Variants in SYT1 observed in about 807,000 individuals in gnomAD.
SYT1 encodes synaptotagmin-1.
SYT1 carries 8 observed loss-of-function variants against 44.8 expected under a neutral mutation model. The observed-to-expected ratio is 0.18, with a 90% CI of 0.10 to 0.32. The LOEUF (loss-of-function observed/expected upper bound fraction) is 0.32, where lower values mean the gene tolerates loss of function less well. Ranked by LOEUF, SYT1 falls within the 10% of genes least tolerant of loss-of-function variation. The pLI is 1.00. For missense variants in SYT1, 286 were observed against 509.3 expected (o/e 0.56, Z 4.22); for synonymous variants, 154 against 188.8 (o/e 0.82, Z 1.51).
chr12:79,062,318 C>G (rs1875450061), intron 3 of SYT1, among the ~76,000 whole-genome samples: 2 of 152,154 alleles, frequency 1.3e-5, no homozygotes, highest in Admixed American at 6.6e-5. Flanking sequence ...TGTTTTCTGA[C>G]AGTAGCTGCC....
At chr12:79,167,824 C>G (rs10861629) in intron 3 of SYT1, among the ~76,000 whole-genome samples, 3 of 151,848 alleles carry the variant, frequency 2.0e-5, no homozygotes, top group East Asian at 1.9e-4. Context: ...GGGGATGCAG[C>G]GGGCTGGGAA....
intron 1 of SYT1, among the ~76,000 whole-genome samples, chr12:78,900,608 A>G (rs548148748): frequency 6.6e-6 from 1 of 152,208 alleles, no homozygotes; most frequent in South Asian, 2.1e-4. Context: ...GAGAAGGCAC[A>G]TTAGAGTGGA....
intron 1 of SYT1, among the ~76,000 whole-genome samples, chr12:78,912,340 G>C (rs117925515): frequency 0.012 from 1,818 of 151,866 alleles, 28 homozygotes; most frequent in Non-Finnish European, 0.017. Context: ...TGAAATTGCT[G>C]AAAAAGAAAG....
intron 3 of SYT1, among the ~76,000 whole-genome samples, chr12:79,060,010 G>T (rs1875257182): frequency 6.6e-6 from 1 of 152,064 alleles, no homozygotes; most frequent in African/African-American, 2.4e-5. Flanking sequence ...ACTGTTTCAT[G>T]GGCTTACACT....
At chr12:78,968,237 A>G (rs929147279) in intron 1 of SYT1, among the ~76,000 whole-genome samples, 2 of 152,116 alleles carry the variant, frequency 1.3e-5, no homozygotes, top group African/African-American at 4.8e-5. Flanking sequence ...AAATGTAGCA[A>G]GAATTCTTAA....
intron 3 of SYT1, among the ~76,000 whole-genome samples, chr12:79,160,489 G>A (rs1379626700): frequency 6.6e-6 from 1 of 152,096 alleles, no homozygotes; most frequent in Non-Finnish European, 1.5e-5. Context: ...TAAATGAAAG[G>A]AGACAGATTC....
At chr12:79,414,478 G>A (rs1183632367) in intron 9 of SYT1, among the ~76,000 whole-genome samples, 2 of 152,120 alleles carry the variant, frequency 1.3e-5, no homozygotes, top group African/African-American at 4.8e-5. Context: ...CTACTGTCCA[G>A]GAGGATCCCA....
At position 78,911,366 on chromosome 12, in the gene SYT1, T is replaced by C. The variant is rs375473428; in HGVS notation, c.-217+46257T>C. Among the ~76,000 whole-genome samples the C allele has an allele frequency of 6.6e-5, 10 of 152,048 alleles. 1 individual carries two copies. In the East Asian group the frequency reaches 1.6e-3, roughly 24 times the overall value. On this transcript the variant is annotated intron_variant, in intron 1 of 10. Coordinates refer to ENST00000261205, the MANE Select transcript of SYT1 (RefSeq NM_005639.3). ...GAGAAAATAATTTGTGTTTAGGTAGTAATTCAAGCTGTGGATGTGGAAGAA... is the reference window on the plus strand; with the variant it reads ...GAGAAAATAATTTGTGTTTAGGTAGCAATTCAAGCTGTGGATGTGGAAGAA...
chr12:79,399,226 A>G (rs1264071659), intron 9 of SYT1, among the ~76,000 whole-genome samples: 1 of 151,410 alleles, frequency 6.6e-6, no homozygotes, highest in Non-Finnish European at 1.5e-5. Flanking sequence ...AGGGTTTTTA[A>G]TATTGTTATT....
chr12:79,019,633 G>A (rs545935294), intron 2 of SYT1, among the ~76,000 whole-genome samples: 20 of 151,820 alleles, frequency 1.3e-4, no homozygotes, highest in Non-Finnish European at 2.2e-4. Flanking sequence ...TTTTAACTTC[G>A]ATGGGAAAAA....
chr12:78,906,453 T>C (rs958162573), intron 1 of SYT1, among the ~76,000 whole-genome samples: 3 of 152,000 alleles, frequency 2.0e-5, no homozygotes, highest in Non-Finnish European at 4.4e-5. Flanking sequence ...TATGGGATAA[T>C]AGAGAGAAGC....
chr12:78,960,246 T>C (rs565111958), intron 1 of SYT1: 10 of 152,268 alleles, frequency 6.6e-5, no homozygotes, highest in Admixed American at 1.3e-4. Flanking sequence ...TCTCTAAATA[T>C]GCATTTCAAG....
At chr12:79,028,641 T>G (rs1450323091) in intron 2 of SYT1, among the ~76,000 whole-genome samples, 2 of 151,370 alleles carry the variant, frequency 1.3e-5, no homozygotes. Context: ...AAAATAATTA[T>G]AACACAGTAT....
chr12:79,440,082 TG>T (rs1403797784), intron 9 of SYT1, among the ~76,000 whole-genome samples: 1 of 151,996 alleles, frequency 6.6e-6, no homozygotes, highest in African/African-American at 2.4e-5. Flanking sequence ...AAAAATTAGC[TG>T]GGCATGTGCC....
intron 4 of SYT1, among the ~76,000 whole-genome samples, chr12:79,256,963 A>G (rs909225754): frequency 1.8e-4 from 27 of 152,210 alleles, no homozygotes; most frequent in Admixed American, 1.4e-3. Flanking sequence ...CTCCATTTCC[A>G]GAGGAGACCA....
chr12:79,238,905 A>C (rs1488279004), intron 4 of SYT1, among the ~76,000 whole-genome samples: 3 of 152,200 alleles, frequency 2.0e-5, no homozygotes, highest in Non-Finnish European at 4.4e-5. Context: ...CAAATTTGCG[A>C]TATTTCCCCT....
intron 3 of SYT1, among the ~76,000 whole-genome samples, chr12:79,146,976 G>C (rs1366769673): frequency 1.3e-5 from 2 of 152,010 alleles, no homozygotes; most frequent in Non-Finnish European, 2.9e-5. Flanking sequence ...GATTAGCTGG[G>C]ATTACAGGCG....
At chr12:78,992,358 C>T (rs1204345039) in intron 2 of SYT1, among the ~76,000 whole-genome samples, 1 of 152,118 alleles carries the variant, frequency 6.6e-6, no homozygotes, top group East Asian at 1.9e-4. Flanking sequence ...TGTTCTTTGT[C>T]AGTAGCATGA....
At chr12:79,375,384 T>G (rs900567029) in intron 9 of SYT1, among the ~76,000 whole-genome samples, 1 of 152,084 alleles carries the variant, frequency 6.6e-6, no homozygotes, top group Non-Finnish European at 1.5e-5. Flanking sequence ...GATCGTGTAG[T>G]GTAGAGGAGC....
Sources: gnomAD v4.1 joint callset for allele counts (sites outside exome capture counted in the v4.1 genomes callset) on GRCh38, gnomAD v4.1.1 for gene constraint, MANE v1.5 for transcripts, NCBI Gene and HGNC (gene_info 2026-07-23, HGNC 2026-07-21) for gene names.